The following HNRNPR variants were observed in gnomAD, a reference collection of about 807,000 sequenced individuals.
The protein encoded by HNRNPR is heterogeneous nuclear ribonucleoprotein R.
HNRNPR carries 4 observed loss-of-function variants against 70.3 expected under a neutral mutation model. That is an observed-to-expected ratio of 0.06 (90% confidence interval 0.03 to 0.13). The LOEUF (loss-of-function observed/expected upper bound fraction) is 0.13, where lower values mean the gene tolerates loss of function less well. Among genes scored for constraint, HNRNPR ranks in the 10% least tolerant of loss-of-function variants. The pLI, the probability that HNRNPR is intolerant of heterozygous loss-of-function variation, is 1.00. For missense variants in HNRNPR, 423 were observed against 788.5 expected (o/e 0.54, Z 5.55); for synonymous variants, 241 against 267.6 (o/e 0.90, Z 0.97).
intron 4 of HNRNPR, among the ~76,000 whole-genome samples, chr1:23,337,292 G>A (rs1055694623): frequency 6.6e-6 from 1 of 152,170 alleles, no homozygotes; most frequent in East Asian, 1.9e-4. Context: ...ATGCAATTGA[G>A]TGTCGATCCC....
rs572013481 is a variant in HNRNPR at position 23,337,201 on chromosome 1, C to T, written c.384+553G>A. 3.5e-4 allele frequency among the ~76,000 whole-genome samples: 54 copies of T among 152,196 alleles called. No homozygotes were observed. The South Asian group carries it at 4.8e-3, about 13-fold the overall frequency. On this transcript the variant is annotated intron_variant, in intron 4 of 10. Coordinates refer to ENST00000302271, the MANE Select transcript of HNRNPR (RefSeq NM_005826.5). ...CTGGATCAATCCAAGAAACTACCAG[C>T]GAAGCATCAATAAATATACGTCATT...
intron 3 of HNRNPR, chr1:23,338,221 T>C (rs1280471597): frequency 9.3e-6 from 3 of 323,988 alleles, no homozygotes; most frequent in Admixed American, 4.8e-5. Context: ...CTGAGTAACA[T>C]GTAAAAACCT....
At position 23,322,448 on chromosome 1, in the gene HNRNPR, C is replaced by G. The variant is rs1645797613; in HGVS notation, c.676-785G>C. Among the ~76,000 whole-genome samples, 3 of 152,024 alleles carry G rather than the reference C, an allele frequency of 2.0e-5. No homozygotes were observed. The South Asian group carries it at 6.2e-4, about 32-fold the overall frequency. On this transcript the variant is annotated intron_variant, in intron 6 of 10. Transcript: ENST00000302271. ...ACAGGGTTTCACCACGTTGGCCAGG[C>G]TGATCTTGAACTCCTGACCTCAGGT...
intron 4 of HNRNPR, among the ~76,000 whole-genome samples, chr1:23,336,116 CAAAAA>C (rs71020498): frequency 2.0e-5 from 1 of 49,482 alleles, no homozygotes; most frequent in Admixed American, 1.9e-4. Flanking sequence ...GACTCCGTCT[CAAAAA>C]AAAAAAAAAA....
chr1:23,344,046 C>G (rs531674569), intron 1 of HNRNPR, among the ~76,000 whole-genome samples, 165 bp downstream of exon 1: 1 of 152,086 alleles, frequency 6.6e-6, no homozygotes, highest in Non-Finnish European at 1.5e-5. Context: ...GGGCTAGGCC[C>G]ACAGCCGCGC....
rs753257816 is a variant in HNRNPR at position 23,323,679 on chromosome 1, A to C, written c.552T>G (p.Leu184=). ...RDLYEDELVP[L]FEKAGPIWDL... ...CCCAAATGGGTCCGGCCTTCTCAAA[A>C]AGGGGCACCAACTCATCCTCATATA... Residue 184 remains leucine (L), a synonymous_variant, in exon 6 of 11, where the codon CTT becomes CTG. Coordinates refer to ENST00000302271, the MANE Select transcript of HNRNPR (RefSeq NM_005826.5). 12 of 1,614,024 alleles carry C rather than the reference A, an allele frequency of 7.4e-6. No individual in the cohort carries two copies. In the South Asian group the frequency reaches 1.3e-4, roughly 18 times the overall value.
At chr1:23,343,365 G>A (rs1646776628) in intron 1 of HNRNPR, among the ~76,000 whole-genome samples, 1 of 152,186 alleles carries the variant, frequency 6.6e-6, no homozygotes, top group African/African-American at 2.4e-5. Context: ...TGGCTTAGGA[G>A]TGTCGAGCTC....
In HNRNPR at chr1:23,344,270, A is replaced by G. The variant is rs1238533494; in HGVS notation, c.-69T>C. 3 of 151,206 alleles carry G rather than the reference A, an allele frequency of 2.0e-5. No homozygotes were observed. The highest frequency in any genetic ancestry group is 4.4e-5 in the Non-Finnish European group (3 of 67,846). 9.4% of individuals were successfully genotyped at this position (151,206 alleles called of 1,614,324 possible). ...AGAATCAGCGCGAGGCGCTTTGAAA[A>G]CGACTAGAAATGGCGCGCGCGCCAC... On this transcript the variant is annotated 5_prime_UTR_variant, in exon 1 of 11. Coordinates refer to ENST00000302271, the MANE Select transcript of HNRNPR (RefSeq NM_005826.5).
intron 7 of HNRNPR, 95 bp downstream of exon 7, chr1:23,321,433 T>C (rs1024884486): frequency 2.8e-5 from 29 of 1,041,496 alleles, no homozygotes; most frequent in Non-Finnish European, 4.0e-5. Flanking sequence ...CCTGAATTCT[T>C]AATTTAATAC....
chr1:23,311,381 A>G, intron 9 of HNRNPR, 59 bp from the exon 10 acceptor site: 1 of 1,127,052 alleles, frequency 8.9e-7, no homozygotes, highest in Non-Finnish European at 1.3e-6. Context: ...TGTTTTATAT[A>G]GTATGTAAGC....
intron 9 of HNRNPR, among the ~76,000 whole-genome samples, chr1:23,312,962 T>A (rs539555598): frequency 6.6e-6 from 1 of 152,286 alleles, no homozygotes; most frequent in Admixed American, 6.5e-5. Flanking sequence ...AGGTTTTGTG[T>A]TCCAGATACC....
intron 4 of HNRNPR, among the ~76,000 whole-genome samples, chr1:23,334,994 T>C (rs1021524372): frequency 4.6e-5 from 7 of 152,088 alleles, no homozygotes; most frequent in Non-Finnish European, 7.4e-5. Flanking sequence ...CTTGGCTCAC[T>C]GCAAGCTCCG....
intron 8 of HNRNPR, among the ~76,000 whole-genome samples, chr1:23,314,966 A>G (rs1041689456): frequency 2.0e-5 from 3 of 152,140 alleles, no homozygotes; most frequent in Non-Finnish European, 2.9e-5. Flanking sequence ...CACAGAATAG[A>G]CTACTATGTA....
intron 5 of HNRNPR, among the ~76,000 whole-genome samples, chr1:23,327,592 A>T (rs143938231): frequency 0.015 from 2,274 of 152,302 alleles, 24 homozygotes; most frequent in Middle Eastern, 0.048. Context: ...CTGGAGGCTT[A>T]GGCAGAAGAA....
rs565420361 is a variant in HNRNPR, at chr1:23,307,205, T to C, written c.*3249A>G. ...ATAGCAAGTATTTACTGGAAGGGTT[T>C]GGTTTTACAAATGCACAATTAATAA... On this transcript the variant is annotated 3_prime_UTR_variant, in exon 11 of 11. Coordinates refer to ENST00000302271, the MANE Select transcript of HNRNPR (RefSeq NM_005826.5). The C allele has an allele frequency of 7.9e-5, 12 of 152,298 alleles. No homozygotes were observed. The East Asian group carries it at 1.7e-3, about 22-fold the overall frequency. The allele number at this position is 152,298 out of a possible 1,614,324, so 9.4% of individuals were successfully genotyped here.
rs1645216603 is a variant in HNRNPR at position 23,307,271 on chromosome 1, G to A, written c.*3183C>T. ...ATATTCAAATGGGCAGGAGGCAAAT[G>A]ATGTAATGAGTTTCAAGAATAATAT... On this transcript the variant is annotated 3_prime_UTR_variant, in exon 11 of 11. Coordinates refer to ENST00000302271, the MANE Select transcript of HNRNPR (RefSeq NM_005826.5). The A allele has an allele frequency of 2.0e-5, 3 of 152,068 alleles. No homozygotes were observed. The highest frequency in any genetic ancestry group is 4.4e-5 in the Non-Finnish European group (3 of 67,946). The allele number at this position is 152,068 out of a possible 1,614,324, so 9.4% of individuals were successfully genotyped here.
intron 4 of HNRNPR, among the ~76,000 whole-genome samples, chr1:23,337,424 G>A (rs539516963): frequency 2.6e-5 from 4 of 152,216 alleles, no homozygotes; most frequent in African/African-American, 7.2e-5. Context: ...TTTGAAGGCC[G>A]AGGTGGGCGG....
chr1:23,338,314 C>T (rs1264405375), intron 3 of HNRNPR, 176 bp downstream of exon 3: 1 of 413,406 alleles, frequency 2.4e-6, no homozygotes, highest in Admixed American at 4.4e-5. Flanking sequence ...AAAACTTTTG[C>T]TTTATACTTG....
chr1:23,328,971 A>G (rs965673033), intron 5 of HNRNPR, among the ~76,000 whole-genome samples: 1 of 152,190 alleles, frequency 6.6e-6, no homozygotes, highest in Non-Finnish European at 1.5e-5. Context: ...AATTTAAAAA[A>G]TTGGCTCAGT....
Sources: allele counts gnomAD v4.1 joint callset (sites outside exome capture counted in the v4.1 genomes callset), GRCh38; gene constraint gnomAD v4.1.1; transcripts MANE v1.5; gene names NCBI Gene and HGNC (gene_info 2026-07-23, HGNC 2026-07-21).